Variants in VAT1L observed in about 807,000 individuals in gnomAD.
VAT1L encodes putative NADPH-dependent quinone oxidoreductase VAT1L.
In VAT1L, 34 loss-of-function variants were observed where a neutral mutation model predicts 44.1. The observed-to-expected ratio is 0.77, with a 90% CI of 0.59 to 1.03. VAT1L has a LOEUF of 1.03. Ranked by LOEUF, VAT1L falls within the 50% of genes least tolerant of loss-of-function variation. The pLI, the probability that VAT1L is intolerant of heterozygous loss-of-function variation, is 0.00. For synonymous variants in VAT1L, 253 were observed against 202.2 expected, an observed-to-expected ratio of 1.25 and a Z score of -2.13; for missense variants, 615 against 538.8, an observed-to-expected ratio of 1.14 and a Z score of -1.40.
chr16:77,858,614 A>G (rs2016884772), intron 3 of VAT1L, among the ~76,000 whole-genome samples: 1 of 152,254 alleles, frequency 6.6e-6, no homozygotes, highest in African/African-American at 2.4e-5. Context: ...CTCAGCTGGT[A>G]TGTGTGGCAG....
intron 2 of VAT1L, among the ~76,000 whole-genome samples, chr16:77,823,920 G>C (rs974676720): frequency 1.3e-5 from 2 of 152,192 alleles, no homozygotes; most frequent in Admixed American, 6.5e-5. Context: ...CTACTTGGGA[G>C]GCTGAGACAG....
chr16:77,830,412 G>T (rs1446907399), intron 3 of VAT1L, among the ~76,000 whole-genome samples: 1 of 152,128 alleles, frequency 6.6e-6, no homozygotes, highest in Non-Finnish European at 1.5e-5. Flanking sequence ...GGTTTGATAT[G>T]GTTTGTCTGT....
chr16:77,889,473 G>C (rs750816355), intron 7 of VAT1L, among the ~76,000 whole-genome samples: 1 of 152,150 alleles, frequency 6.6e-6, no homozygotes, highest in Non-Finnish European at 1.5e-5. Context: ...ACAGTGTTGA[G>C]AGCCTACTGT....
intron 6 of VAT1L, among the ~76,000 whole-genome samples, chr16:77,880,538 T>C (rs1434510221): frequency 6.9e-6 from 1 of 145,916 alleles, no homozygotes; most frequent in Admixed American, 7.0e-5. Flanking sequence ...GAACCACCAG[T>C]ACACCAGCAC....
chr16:77,822,173 T>C (rs2016462905), intron 2 of VAT1L, among the ~76,000 whole-genome samples: 1 of 152,176 alleles, frequency 6.6e-6, no homozygotes, highest in South Asian at 2.1e-4. Context: ...TCGCTCTTGT[T>C]GCCCAGGCTG....
At chr16:77,906,464 C>T (rs189299311) in intron 7 of VAT1L, among the ~76,000 whole-genome samples, 22 of 152,244 alleles carry the variant, frequency 1.4e-4, no homozygotes, top group African/African-American at 4.6e-4. Flanking sequence ...AGTTTGGGAT[C>T]GCCTCAAATC....
chr16:77,925,836 T>TC (rs111777183), intron 7 of VAT1L, among the ~76,000 whole-genome samples: 13,522 of 151,930 alleles, frequency 0.089, 1,382 homozygotes, highest in African/African-American at 0.24. Context: ...TTCCTTTAAT[T>TC]CCCCCCACCT....
At chr16:77,914,388 CCA>C (rs1056871458) in intron 7 of VAT1L, among the ~76,000 whole-genome samples, 6 of 152,282 alleles carry the variant, frequency 3.9e-5, no homozygotes, top group African/African-American at 1.4e-4. Context: ...TGTCCCAACC[CCA>C]CTTTCAGTTA....
At chr16:77,894,030 A>C (rs146557121) in intron 7 of VAT1L, among the ~76,000 whole-genome samples, 8 of 152,308 alleles carry the variant, frequency 5.3e-5, no homozygotes, top group African/African-American at 1.9e-4. Flanking sequence ...ACAGAGAGGA[A>C]TACGTTGCCC....
chr16:77,835,975 C>T (rs1211186984), intron 3 of VAT1L, among the ~76,000 whole-genome samples: 1 of 152,070 alleles, frequency 6.6e-6, no homozygotes, highest in Non-Finnish European at 1.5e-5. Flanking sequence ...TAAAGTCAGA[C>T]TCCTTGGGTT....
chr16:77,836,301 C>T (rs1472331601), intron 3 of VAT1L, among the ~76,000 whole-genome samples: 10 of 152,100 alleles, frequency 6.6e-5, no homozygotes, highest in Non-Finnish European at 2.9e-5. Flanking sequence ...CCTGTCCCAC[C>T]GTGAGCCCCA....
intron 7 of VAT1L, among the ~76,000 whole-genome samples, chr16:77,935,122 T>G (rs965639876): frequency 2.0e-5 from 3 of 152,188 alleles, no homozygotes; most frequent in African/African-American, 4.8e-5. Context: ...TGGTCTGGAC[T>G]TTCTATTGAA....
Position 77,840,330 on chromosome 16 carries a change from C to T in VAT1L, c.579+14869C>T, listed in dbSNP as rs150405879. ...AAAGGGCACACGTGAATGGTTATTT[C>T]GAAATCTTTCAAAACCAAACCTATG... is the stretch of plus-strand genomic sequence containing the variant. On this transcript the variant is annotated intron_variant, in intron 3 of 8. Transcript: ENST00000302536. Among the ~76,000 whole-genome samples the T allele has an allele frequency of 1.1e-4, 17 of 152,262 alleles. No homozygotes were observed. The East Asian group carries it at 2.7e-3, about 24-fold the overall frequency.
At position 77,863,258 on chromosome 16, in the gene VAT1L, T is replaced by C. The variant is rs928466017; in HGVS notation, c.722+368T>C. 7.9e-5 allele frequency among the ~76,000 whole-genome samples: 12 copies of C among 152,230 alleles called. No homozygotes were observed. In the South Asian group the frequency reaches 1.0e-3, roughly 13 times the overall value. On this transcript the variant is annotated intron_variant, in intron 4 of 8. Coordinates refer to ENST00000302536, the MANE Select transcript of VAT1L (RefSeq NM_020927.3). ...AGAGACCCAGGCTCTTTTCATCTTA[T>C]GGTTCCACTATTGTCTTGGGTCTAA...
At chr16:77,947,401 T>A (rs185436761) in intron 7 of VAT1L, among the ~76,000 whole-genome samples, 11 of 152,292 alleles carry the variant, frequency 7.2e-5, no homozygotes, top group African/African-American at 2.4e-4. Context: ...CAAGTGGGTT[T>A]TAACAGCATG....
chr16:77,925,370 T>A (rs1037835981), intron 7 of VAT1L, among the ~76,000 whole-genome samples: 2 of 152,172 alleles, frequency 1.3e-5, no homozygotes, highest in African/African-American at 2.4e-5. Context: ...CTTTACCAAA[T>A]AGTCACTAAT....
chr16:77,875,003 T>C (rs191342434), intron 4 of VAT1L, among the ~76,000 whole-genome samples: 1 of 152,162 alleles, frequency 6.6e-6, no homozygotes, highest in African/African-American at 2.4e-5. Context: ...AAAGGAAGGA[T>C]TGCAATCTTT....
chr16:77,907,419 T>C (rs2017450136), intron 7 of VAT1L, among the ~76,000 whole-genome samples: 1 of 152,168 alleles, frequency 6.6e-6, no homozygotes, highest in South Asian at 2.1e-4. Context: ...ACATTGAGAA[T>C]TTTTTGCTGT....
intron 7 of VAT1L, among the ~76,000 whole-genome samples, chr16:77,948,681 G>A (rs759757248): frequency 6.6e-6 from 1 of 151,878 alleles, no homozygotes; most frequent in African/African-American, 2.4e-5. Flanking sequence ...TATTTTTCTG[G>A]AGTATTTTAA....
Sources: allele counts gnomAD v4.1 joint callset (sites outside exome capture counted in the v4.1 genomes callset), GRCh38; gene constraint gnomAD v4.1.1; transcripts MANE v1.5; gene names NCBI Gene and HGNC (gene_info 2026-07-23, HGNC 2026-07-21).